The following PMM2 variants were observed in gnomAD, a reference collection of about 807,000 sequenced individuals.
The protein encoded by PMM2 is phosphomannomutase 2.
In PMM2, 35 loss-of-function variants were observed where a neutral mutation model predicts 33.2. That is an observed-to-expected ratio of 1.06 (90% CI 0.81 to 1.40). The LOEUF (loss-of-function observed/expected upper bound fraction) is 1.40. Ranked by LOEUF, PMM2 falls within the 40% of genes most tolerant of loss-of-function variation. The probability of loss-of-function intolerance (pLI) is 0.00; values close to 1 mark genes in which losing one functional copy is unlikely to be tolerated. For synonymous variants in PMM2, 153 were observed against 114.7 expected, an observed-to-expected ratio of 1.33 and a Z score of -2.13; for missense variants, 386 against 306.0, an observed-to-expected ratio of 1.26 and a Z score of -1.95.
chr16:8,811,405 G>A (rs541920203), intron 5 of PMM2, among the ~76,000 whole-genome samples: 84 of 152,266 alleles, frequency 5.5e-4, no homozygotes, highest in Non-Finnish European at 9.7e-4. Context: ...CTGTGGTCCC[G>A]GCTATTTGTT....
In PMM2 at chr16:8,832,650, C is replaced by T. The variant is rs1425986661; in HGVS notation, c.640-15074C>T. 3 of 985,424 alleles carry T rather than the reference C, an allele frequency of 3.0e-6. No individual in the cohort carries two copies. The East Asian group carries it at 3.4e-4, about 112-fold the overall frequency. The allele number at this position is 985,424 out of a possible 1,614,324, so 61.0% of individuals were successfully genotyped here. A position where few individuals can be genotyped will look rare whatever the true frequency, so the allele number is the denominator to read the frequency against. The stretch of plus-strand genomic sequence containing the variant: ...CGGCTGCAGGAGCCTCCTAACTGCT[C>T]CCTTCAATTGCGTCCTCACCCCGCA... On this transcript the variant is annotated intron_variant, in intron 7 of 7. Transcript: ENST00000268261.
intron 7 of PMM2, among the ~76,000 whole-genome samples, chr16:8,818,070 AT>A (rs2060717811): frequency 6.6e-6 from 1 of 151,850 alleles, no homozygotes; most frequent in South Asian, 2.1e-4. Flanking sequence ...CGCCCGGCTA[AT>A]TTTTTGTATT....
intron 7 of PMM2, among the ~76,000 whole-genome samples, chr16:8,821,088 G>A (rs1388456388): frequency 6.6e-6 from 1 of 152,188 alleles, no homozygotes; most frequent in Non-Finnish European, 1.5e-5. Context: ...GGATAGATCT[G>A]TCTTACTACT....
At chr16:8,820,348 C>CTTTTTTTT (rs1451905873) in intron 7 of PMM2, among the ~76,000 whole-genome samples, 15 of 131,362 alleles carry the variant, frequency 1.1e-4, no homozygotes, top group African/African-American at 3.3e-4. Flanking sequence ...GGACACAGTT[C>CTTTTTTTT]TTCTTTTTTT....
intron 7 of PMM2, among the ~76,000 whole-genome samples, chr16:8,831,108 C>G (rs983530521): frequency 2.6e-5 from 4 of 152,084 alleles, no homozygotes; most frequent in African/African-American, 9.7e-5. Flanking sequence ...CACTGCACTC[C>G]ACCTTGGTGA....
chr16:8,817,080 G>C (rs886317088), intron 7 of PMM2, among the ~76,000 whole-genome samples: 17 of 152,166 alleles, frequency 1.1e-4, no homozygotes, highest in African/African-American at 3.9e-4. Context: ...TACCACAGCT[G>C]GTGATACCTG....
Position 8,843,351 on chromosome 16 carries a change from A to G in PMM2, c.640-4373A>G, listed in dbSNP as rs545002600. Among the ~76,000 whole-genome samples, 309 of 152,256 alleles carry G rather than the reference A, an allele frequency of 2.0e-3. 2 individuals carry two copies. Among genetic ancestry groups the G allele is most frequent in the African/African-American group, 6.7e-3 (280 of 41,552 alleles). ...CTTCCAAGGCGATTGGGCAGCGTCAATCTTCAGCCGCTAAGCCAAGGAGTC... is the reference window on the plus strand; with the variant it reads ...CTTCCAAGGCGATTGGGCAGCGTCAGTCTTCAGCCGCTAAGCCAAGGAGTC... On this transcript the variant is annotated intron_variant, in intron 7 of 7. Coordinates refer to ENST00000268261, the MANE Select transcript of PMM2 (RefSeq NM_000303.3).
chr16:8,829,474 T>C (rs2060797735), intron 7 of PMM2, among the ~76,000 whole-genome samples: 2 of 152,342 alleles, frequency 1.3e-5, no homozygotes, highest in South Asian at 4.1e-4. Context: ...CCCAATGGGC[T>C]GCATGGGGAA....
At chr16:8,827,533 C>T (rs1356295003) in intron 7 of PMM2, among the ~76,000 whole-genome samples, 2 of 149,462 alleles carry the variant, frequency 1.3e-5, no homozygotes, top group South Asian at 4.2e-4. Flanking sequence ...GTAGCTGGGA[C>T]CACAGGCACA....
chr16:8,823,306 GAA>G (rs964871488), intron 7 of PMM2, among the ~76,000 whole-genome samples: 1 of 151,054 alleles, frequency 6.6e-6, no homozygotes, highest in Non-Finnish European at 1.5e-5. Flanking sequence ...AGAAAAGTGG[GAA>G]AAAAAAATTG....
intron 4 of PMM2, chr16:8,809,727 C>A (rs943957799): frequency 6.6e-6 from 1 of 152,066 alleles, no homozygotes; most frequent in South Asian, 2.1e-4. Context: ...GCTGGGATTA[C>A]AGGTGTGAGC....
chr16:8,798,597 A>G (rs1291673818), intron 1 of PMM2, among the ~76,000 whole-genome samples: 4 of 152,208 alleles, frequency 2.6e-5, no homozygotes, highest in African/African-American at 9.6e-5. Flanking sequence ...GCAATGGACT[A>G]GGGAGATGGA....
At chr16:8,812,506 C>T (rs1365110414) in intron 6 of PMM2, among the ~76,000 whole-genome samples, 1 of 152,168 alleles carries the variant, frequency 6.6e-6, no homozygotes, top group African/African-American at 2.4e-5. Flanking sequence ...AGATGGACAT[C>T]TTTCTGACAA....
chr16:8,845,315 G>C (rs2060918052), intron 7 of PMM2, among the ~76,000 whole-genome samples: 1 of 152,174 alleles, frequency 6.6e-6, no homozygotes, highest in South Asian at 2.1e-4. Context: ...GGGTGGGGCA[G>C]AAACAAATCA....
chr16:8,838,753 C>T lies in PMM2; in HGVS notation c.640-8971C>T, dbSNP rs146611075. Among the ~76,000 whole-genome samples the T allele has an allele frequency of 1.2e-3, 181 of 152,166 alleles. 5 individuals are homozygous for T. In the East Asian group the frequency reaches 0.029, roughly 25 times the overall value. On this transcript the variant is annotated intron_variant, in intron 7 of 7. Transcript: ENST00000268261. ...GACTAAGAATTGGGAGGACCTAGGA[C>T]ATCCAATTAGAGAGTGCGTAAGGGG... is the stretch of plus-strand genomic sequence containing the variant.
At chr16:8,798,209 A>G (rs1353113804) in intron 1 of PMM2, among the ~76,000 whole-genome samples, 1 of 152,226 alleles carries the variant, frequency 6.6e-6, no homozygotes, top group Non-Finnish European at 1.5e-5. Context: ...TGGAAAATGT[A>G]ATCTGGACTC....
intron 1 of PMM2, among the ~76,000 whole-genome samples, chr16:8,801,043 T>C (rs930455896): frequency 2.4e-4 from 36 of 152,192 alleles, no homozygotes; most frequent in Non-Finnish European, 5.0e-4. Context: ...CTTAAATCCA[T>C]AAATGGAGTA....
intron 2 of PMM2, among the ~76,000 whole-genome samples, chr16:8,804,534 C>G (rs1009620690): frequency 7.9e-5 from 12 of 152,178 alleles, no homozygotes; most frequent in African/African-American, 2.9e-4. Flanking sequence ...TAACCTGTCA[C>G]CAAGTCCCTA....
chr16:8,800,388 G>A (rs147582960), intron 1 of PMM2, among the ~76,000 whole-genome samples: 1 of 150,668 alleles, frequency 6.6e-6, no homozygotes, highest in African/African-American at 2.4e-5. Context: ...GACATTCAGT[G>A]TAAATGTACA....
Sources: allele counts gnomAD v4.1 joint callset (sites outside exome capture counted in the v4.1 genomes callset), GRCh38; gene constraint gnomAD v4.1.1; transcripts MANE v1.5; gene names NCBI Gene and HGNC (gene_info 2026-07-23, HGNC 2026-07-21).